The following SHANK2 variants were observed in gnomAD, a reference collection of about 807,000 sequenced individuals.
The protein encoded by SHANK2 is SH3 and multiple ankyrin repeat domains 2, also known as SH3 and multiple ankyrin repeat domains protein 2.
A neutral mutation model predicts 133.7 loss-of-function variants in SHANK2; 43 were observed. The observed-to-expected ratio is 0.32, with a 90% CI of 0.25 to 0.41. SHANK2 has a LOEUF of 0.41. Ranked by LOEUF, SHANK2 falls within the 10% of genes least tolerant of loss-of-function variation. SHANK2 has a pLI of 1.00. For missense variants in SHANK2, 1,994 were observed against 2,235.8 expected (o/e 0.89, Z 2.18); for synonymous variants, 1,017 against 952.8 (o/e 1.07, Z -1.24).
chr11:70,729,923 T>C (rs1161191978), intron 14 of SHANK2, among the ~76,000 whole-genome samples: 2 of 145,990 alleles, frequency 1.4e-5, no homozygotes, highest in African/African-American at 5.0e-5. Flanking sequence ...AAAAAGCCGA[T>C]AGGTGCCTGA....
At chr11:70,843,728 C>T (rs999702692) in intron 11 of SHANK2, among the ~76,000 whole-genome samples, 13 of 151,944 alleles carry the variant, frequency 8.6e-5, no homozygotes, top group South Asian at 2.1e-4. Context: ...GTTGAATGCC[C>T]CCCAGCCCAC....
intron 14 of SHANK2, among the ~76,000 whole-genome samples, chr11:70,719,225 C>T (rs144170108): frequency 2.4e-4 from 37 of 152,296 alleles, no homozygotes; most frequent in South Asian, 1.2e-3. Flanking sequence ...CACTTTGTGA[C>T]GGTTCAAATA....
intron 17 of SHANK2, among the ~76,000 whole-genome samples, chr11:70,556,498 C>T (rs1433261607): frequency 6.6e-6 from 1 of 152,012 alleles, no homozygotes; most frequent in African/African-American, 2.4e-5. Context: ...TCACTGTAGC[C>T]TCAAACTCCT....
At chr11:70,917,680 A>T (rs1438669473) in intron 10 of SHANK2, among the ~76,000 whole-genome samples, 1 of 152,256 alleles carries the variant, frequency 6.6e-6, no homozygotes, top group Non-Finnish European at 1.5e-5. Context: ...AGCCATAAAA[A>T]AGAACAAGAT....
At chr11:70,712,238 C>T (rs554278523) in intron 14 of SHANK2, among the ~76,000 whole-genome samples, 1 of 152,338 alleles carries the variant, frequency 6.6e-6, no homozygotes, top group South Asian at 2.1e-4. Flanking sequence ...ACTCTCAGCC[C>T]TATGCCTCCT....
At chr11:70,792,364 T>TAACC (rs1262625901) in intron 14 of SHANK2, among the ~76,000 whole-genome samples, 37 of 99,122 alleles carry the variant, frequency 3.7e-4, no homozygotes, top group African/African-American at 9.1e-4. Context: ...GCTAGCTAAT[T>TAACC]AACCAACCAA....
At chr11:70,792,863 G>T (rs2080439334) in intron 14 of SHANK2, among the ~76,000 whole-genome samples, 1 of 152,152 alleles carries the variant, frequency 6.6e-6, no homozygotes, top group African/African-American at 2.4e-5. Context: ...AGGCAGGAGG[G>T]TCACTTGTGC....
At chr11:71,153,688 C>T (rs549851291) in intron 2 of SHANK2, among the ~76,000 whole-genome samples, 14 of 152,290 alleles carry the variant, frequency 9.2e-5, no homozygotes, top group South Asian at 2.1e-4. Flanking sequence ...AGAGTTCAGC[C>T]GGGTGCAGTG....
intron 14 of SHANK2, among the ~76,000 whole-genome samples, chr11:70,749,630 A>AT (rs1214440589): frequency 3.3e-5 from 5 of 152,220 alleles, no homozygotes; most frequent in Admixed American, 2.0e-4. Flanking sequence ...TATTGTAACT[A>AT]TTTCAACAAG....
At chr11:70,887,212 C>A (rs919293401) in intron 11 of SHANK2, among the ~76,000 whole-genome samples, 1 of 152,190 alleles carries the variant, frequency 6.6e-6, no homozygotes, top group African/African-American at 2.4e-5. Flanking sequence ...GGCTCTATGG[C>A]AAAGCTTTTA....
chr11:71,061,431 C>G (rs1361978998), intron 9 of SHANK2, among the ~76,000 whole-genome samples: 2 of 152,212 alleles, frequency 1.3e-5, no homozygotes, highest in Non-Finnish European at 2.9e-5. Context: ...CCCACTTAGG[C>G]TGATGACAGG....
intron 3 of SHANK2, among the ~76,000 whole-genome samples, chr11:71,144,704 C>T (rs551353436): frequency 3.9e-5 from 6 of 152,286 alleles, no homozygotes; most frequent in African/African-American, 1.4e-4. Context: ...TCCAGCCTTC[C>T]AGTGTTTCAT....
Position 71,121,643 on chromosome 11 carries a change from G to A in SHANK2, c.208-2611C>T, listed in dbSNP as rs542795963. Among the ~76,000 whole-genome samples the A allele has an allele frequency of 7.2e-5, 11 of 152,326 alleles. No homozygotes were observed. The East Asian group carries it at 1.9e-3, about 27-fold the overall frequency. On this transcript the variant is annotated intron_variant, in intron 3 of 25. Transcript: ENST00000601538. ...TTTTAGTCATGAAGTCCTTGCCCAT[G>A]CCTATGTCCTGAATGGTACTACCTA...
At chr11:70,747,738 C>A (rs1469018651) in intron 14 of SHANK2, among the ~76,000 whole-genome samples, 3 of 152,200 alleles carry the variant, frequency 2.0e-5, no homozygotes, top group South Asian at 2.1e-4. Context: ...GTATAGTGTG[C>A]ATATGTGTGA....
At chr11:71,107,751 G>A (rs538233711) in intron 6 of SHANK2, among the ~76,000 whole-genome samples, 1 of 152,200 alleles carries the variant, frequency 6.6e-6, no homozygotes, top group Non-Finnish European at 1.5e-5. Flanking sequence ...GTTTTTAGCA[G>A]TGAATTGAGA....
intron 17 of SHANK2, among the ~76,000 whole-genome samples, chr11:70,530,153 C>T (rs1337448444): frequency 6.6e-6 from 1 of 152,180 alleles, no homozygotes; most frequent in African/African-American, 2.4e-5. Context: ...TGGGAGCAAC[C>T]CAAATGTCCC....
chr11:70,864,621 T>C (rs1204560776), intron 11 of SHANK2: 2 of 152,274 alleles, frequency 1.3e-5, no homozygotes, highest in Non-Finnish European at 2.9e-5. Flanking sequence ...CCCAAATTCA[T>C]ATGTTGAAGT....
At chr11:71,156,652 C>G (rs1269646653) in intron 2 of SHANK2, among the ~76,000 whole-genome samples, 5 of 152,222 alleles carry the variant, frequency 3.3e-5, no homozygotes, top group African/African-American at 7.2e-5. Flanking sequence ...CATACACCCT[C>G]CAACCCTCCT....
chr11:70,576,639 A>AAAAC (rs1190166638), intron 17 of SHANK2, among the ~76,000 whole-genome samples: 1 of 152,086 alleles, frequency 6.6e-6, no homozygotes, highest in African/African-American at 2.4e-5. Context: ...TCCATCTCAA[A>AAAAC]AAACAAACAA....
Sources: gnomAD v4.1 joint callset for allele counts (sites outside exome capture counted in the v4.1 genomes callset) on GRCh38, gnomAD v4.1.1 for gene constraint, MANE v1.5 for transcripts, NCBI Gene and HGNC (gene_info 2026-07-23, HGNC 2026-07-21) for gene names.